Variants in NEGR1 observed in about 807,000 individuals in gnomAD.
NEGR1 encodes the protein IgLON family member 4.
Under a neutral mutation model 40.9 loss-of-function variants are expected in NEGR1, and 10 were observed. The ratio of observed to expected loss-of-function variants is 0.24; its 90% CI spans 0.15 to 0.42. The LOEUF is 0.42. NEGR1 is among the 10% of genes least tolerant of loss of function. The probability of loss-of-function intolerance (pLI) is 1.00; values close to 1 mark genes in which losing one functional copy is unlikely to be tolerated. For synonymous variants in NEGR1, 185 were observed against 166.8 expected (o/e 1.11, Z -0.84); for missense variants, 352 against 438.9 (o/e 0.80, Z 1.77).
chr1:72,040,227 G>A (rs1254847678), intron 1 of NEGR1, among the ~76,000 whole-genome samples: 1 of 151,632 alleles, frequency 6.6e-6, no homozygotes, highest in African/African-American at 2.4e-5. Context: ...CCCGAATCCC[G>A]CATCGTAACT....
intron 2 of NEGR1, among the ~76,000 whole-genome samples, chr1:71,915,603 A>G (rs1661553760): frequency 6.6e-6 from 1 of 152,136 alleles, no homozygotes; most frequent in African/African-American, 2.4e-5. Flanking sequence ...TTCTCCACAA[A>G]ACTTCCCATA....
intron 1 of NEGR1, among the ~76,000 whole-genome samples, chr1:72,061,816 G>T (rs1647179637): frequency 6.6e-6 from 1 of 151,702 alleles, no homozygotes; most frequent in South Asian, 2.1e-4. Context: ...TGTATTCTAT[G>T]AAGCAAAAGT....
intron 6 of NEGR1, among the ~76,000 whole-genome samples, chr1:71,554,061 A>G (rs1046378458): frequency 6.6e-6 from 1 of 151,514 alleles, no homozygotes; most frequent in Non-Finnish European, 1.5e-5. Context: ...TTGAGAATTA[A>G]AAGAAATAAG....
At chr1:71,920,140 C>CGAG (rs1431978083) in intron 2 of NEGR1, among the ~76,000 whole-genome samples, 1 of 152,164 alleles carries the variant, frequency 6.6e-6, no homozygotes, top group Non-Finnish European at 1.5e-5. Flanking sequence ...TCTCCAGCTC[C>CGAG]GAGGAGCTGT....
At chr1:71,926,194 A>T (rs1379562096) in intron 2 of NEGR1, among the ~76,000 whole-genome samples, 1 of 152,164 alleles carries the variant, frequency 6.6e-6, no homozygotes, top group South Asian at 2.1e-4. Context: ...ATTATTTTCA[A>T]ATTGTAATTT....
intron 4 of NEGR1, among the ~76,000 whole-genome samples, chr1:71,617,237 T>A (rs1650475833): frequency 6.6e-6 from 1 of 152,190 alleles, no homozygotes; most frequent in Non-Finnish European, 1.5e-5. Flanking sequence ...TGTCATGAAC[T>A]TTTAGGAGAG....
chr1:72,004,887 A>G (rs1937184), intron 1 of NEGR1, among the ~76,000 whole-genome samples: 38,179 of 151,940 alleles, frequency 0.25, 5,530 homozygotes, highest in African/African-American at 0.39. Flanking sequence ...ACAAAGGCAA[A>G]AGAATTGAAA....
intron 1 of NEGR1, among the ~76,000 whole-genome samples, chr1:72,253,901 A>C (rs1234143835): frequency 6.6e-6 from 1 of 152,214 alleles, no homozygotes; most frequent in Non-Finnish European, 1.5e-5. Context: ...CTGAAGCTGA[A>C]ACGCAAGATT....
intron 2 of NEGR1, among the ~76,000 whole-genome samples, chr1:71,778,174 CATAT>C (rs1394209511): frequency 6.6e-6 from 1 of 150,428 alleles, no homozygotes; most frequent in Non-Finnish European, 1.5e-5. Flanking sequence ...GATATATATA[CATAT>C]ATATATATAG....
At chr1:72,046,998 T>C (rs1647008626) in intron 1 of NEGR1, among the ~76,000 whole-genome samples, 1 of 151,610 alleles carries the variant, frequency 6.6e-6, no homozygotes, top group Non-Finnish European at 1.5e-5. Flanking sequence ...ATACGCAGAA[T>C]GGTAAACAGA....
chr1:71,672,709 G>C (rs982587570), intron 4 of NEGR1, among the ~76,000 whole-genome samples: 1 of 151,780 alleles, frequency 6.6e-6, no homozygotes, highest in Non-Finnish European at 1.5e-5. Flanking sequence ...CACTTTGACA[G>C]ACTTAAAAAA....
intron 1 of NEGR1, among the ~76,000 whole-genome samples, chr1:72,008,930 A>C (rs1646632713): frequency 6.6e-6 from 1 of 151,886 alleles, no homozygotes; most frequent in Admixed American, 6.6e-5. Context: ...AGCTTCCATT[A>C]AAATCTGGTT....
intron 1 of NEGR1, among the ~76,000 whole-genome samples, chr1:72,037,292 C>T (rs944409088): frequency 6.6e-6 from 1 of 152,104 alleles, no homozygotes; most frequent in African/African-American, 2.4e-5. Context: ...ATTGCTACAT[C>T]GCCTACTAAT....
intron 6 of NEGR1, among the ~76,000 whole-genome samples, chr1:71,540,895 C>T (rs1017804703): frequency 1.3e-5 from 2 of 151,504 alleles, no homozygotes; most frequent in Admixed American, 1.3e-4. Flanking sequence ...GAAGGCAAAA[C>T]GGGAGCAGAC....
At position 72,161,126 on chromosome 1, in the gene NEGR1, C is replaced by T. The variant is rs532747494; in HGVS notation, c.176+121193G>A. ...AATTACTGCCAAAGAGAACGCAGCT[C>T]TGAGAGTTCCTTCATCATAATCTAG... On this transcript the variant is annotated intron_variant, in intron 1 of 6. Transcript: ENST00000357731. Among the ~76,000 whole-genome samples, 12 of 151,120 alleles carry T rather than the reference C, an allele frequency of 7.9e-5. No individual in the cohort carries two copies. The South Asian group carries it at 1.7e-3, about 21-fold the overall frequency.
intron 1 of NEGR1, among the ~76,000 whole-genome samples, chr1:72,048,148 G>A (rs894520410): frequency 4.0e-5 from 6 of 151,416 alleles, no homozygotes; most frequent in East Asian, 1.9e-4. Flanking sequence ...ATGCATCCCC[G>A]AAGACTCTAC....
intron 6 of NEGR1, among the ~76,000 whole-genome samples, chr1:71,513,332 G>A (rs1426623280): frequency 1.3e-5 from 2 of 152,126 alleles, no homozygotes; most frequent in East Asian, 1.9e-4. Flanking sequence ...ACACAGGGTG[G>A]TTTTCATCTT....
chr1:71,838,647 T>C (rs1659125982), intron 2 of NEGR1, among the ~76,000 whole-genome samples: 1 of 152,092 alleles, frequency 6.6e-6, no homozygotes, highest in African/African-American at 2.4e-5. Flanking sequence ...TCATTCAGAG[T>C]AGTCTTGAAC....
At chr1:72,216,083 T>G (rs2100472071) in intron 1 of NEGR1, among the ~76,000 whole-genome samples, 1 of 151,896 alleles carries the variant, frequency 6.6e-6, no homozygotes, top group South Asian at 2.1e-4. Context: ...CTGGAAGCCA[T>G]CATTCTCAGC....
Sources: allele counts gnomAD v4.1 joint callset (sites outside exome capture counted in the v4.1 genomes callset), GRCh38; gene constraint gnomAD v4.1.1; transcripts MANE v1.5; gene names NCBI Gene and HGNC (gene_info 2026-07-23, HGNC 2026-07-21).